Variants in TNIK observed in about 807,000 individuals in gnomAD.
The protein encoded by TNIK is TRAF2 and NCK-interacting protein kinase.
TNIK carries 49 observed loss-of-function variants against 191.3 expected under a neutral mutation model. The observed-to-expected ratio is 0.26, with a 90% CI of 0.20 to 0.32. TNIK has a LOEUF of 0.32. TNIK is among the 10% of genes least tolerant of loss of function. The probability of loss-of-function intolerance (pLI) is 1.00; values close to 1 mark genes in which losing one functional copy is unlikely to be tolerated. For synonymous variants in TNIK, 594 were observed against 600.9 expected (o/e 0.99, Z 0.17); for missense variants, 1,155 against 1,702.3 (o/e 0.68, Z 5.66).
At chr3:171,127,053 A>G (rs968113589) in intron 16 of TNIK, among the ~76,000 whole-genome samples, 1 of 152,226 alleles carries the variant, frequency 6.6e-6, no homozygotes, top group African/African-American at 2.4e-5. Flanking sequence ...TATGTCTGTC[A>G]TGCTCATCGT....
chr3:171,140,565 AGG>A, intron 12 of TNIK, 56 bp from the exon 13 acceptor site: 1 of 1,536,342 alleles, frequency 6.5e-7, no homozygotes, highest in South Asian at 1.1e-5. Flanking sequence ...GGGGGGTGTC[AGG>A]GAGCCAGCAG....
chr3:171,457,610 A>G (rs1408380561), intron 1 of TNIK, among the ~76,000 whole-genome samples: 1 of 152,140 alleles, frequency 6.6e-6, no homozygotes, highest in Non-Finnish European at 1.5e-5. Flanking sequence ...CTGCCCTCTG[A>G]TTTGTGGAGA....
At chr3:171,459,867 A>G in intron 1 of TNIK, 140 bp downstream of exon 1, 1 of 1,083,256 alleles carries the variant, frequency 9.2e-7, no homozygotes, top group Non-Finnish European at 1.3e-6. Flanking sequence ...ACCCCGAATC[A>G]AAACGGGAAT....
At chr3:171,095,358 G>C (rs1722576067) in intron 22 of TNIK, among the ~76,000 whole-genome samples, 1 of 152,200 alleles carries the variant, frequency 6.6e-6, no homozygotes, top group Admixed American at 6.5e-5. Context: ...ACACACCACA[G>C]GTTGAGGTTG....
At chr3:171,156,622 T>A (rs929925268) in intron 12 of TNIK, among the ~76,000 whole-genome samples, 5 of 152,190 alleles carry the variant, frequency 3.3e-5, no homozygotes, top group Non-Finnish European at 7.3e-5. Flanking sequence ...CTGGGCAAAG[T>A]TCTGGGAAGG....
At chr3:171,402,652 T>C (rs935640034) in intron 1 of TNIK, among the ~76,000 whole-genome samples, 1 of 152,192 alleles carries the variant, frequency 6.6e-6, no homozygotes, top group Non-Finnish European at 1.5e-5. Flanking sequence ...ATACCCTTCC[T>C]CCAGCTTCAA....
At chr3:171,265,123 GA>G (rs1460078510) in intron 2 of TNIK, among the ~76,000 whole-genome samples, 1 of 152,202 alleles carries the variant, frequency 6.6e-6, no homozygotes, top group Non-Finnish European at 1.5e-5. Context: ...TTGAGAATGT[GA>G]AAGTGAACCC....
chr3:171,204,180 A>G (rs1739770548), intron 4 of TNIK, among the ~76,000 whole-genome samples: 1 of 152,220 alleles, frequency 6.6e-6, no homozygotes, highest in Non-Finnish European at 1.5e-5. Context: ...CCGAGAGATC[A>G]GAATCTTTAT....
Position 171,138,286 on chromosome 3 carries a change from G to A in TNIK, c.1513C>T (p.His505Tyr), listed in dbSNP as rs947583700. Residue 505 changes from histidine (H) to tyrosine (Y), a missense_variant, in exon 15 of 33, where the codon CAT (histidine) becomes TAT (tyrosine). Physicochemically the swap from His to Tyr is moderately conservative, Grantham distance 83. Transcript: ENST00000436636. ...QERDYLVSLQ[H>Y]QRQEQRPVEK... ...ACAGGCCTCTGCTCCTGCCGCTGATGCTGAAGGGAAACTAAGTAGTCTCTT... is the reference window on the plus strand; with the variant it reads ...ACAGGCCTCTGCTCCTGCCGCTGATACTGAAGGGAAACTAAGTAGTCTCTT... The A allele has an allele frequency of 6.2e-7, 1 of 1,613,606 alleles. No homozygotes were observed. Among genetic ancestry groups the A allele is most frequent in the Non-Finnish European group, 8.5e-7 (1 of 1,179,774 alleles).
chr3:171,183,420 G>A (rs1736924289), intron 7 of TNIK, among the ~76,000 whole-genome samples: 1 of 152,148 alleles, frequency 6.6e-6, no homozygotes. Context: ...GTCTTTTGTT[G>A]GGTAACTTAT....
chr3:171,311,063 G>A (rs867210174), intron 2 of TNIK, among the ~76,000 whole-genome samples: 5 of 151,978 alleles, frequency 3.3e-5, no homozygotes, highest in Non-Finnish European at 5.9e-5. Flanking sequence ...CTGGTGGGAT[G>A]GTGAGAATGT....
At chr3:171,066,467 ATTTT>A (rs145832204) in intron 31 of TNIK, 105 bp downstream of exon 31, 527 of 1,308,842 alleles carry the variant, frequency 4.0e-4, no homozygotes, top group South Asian at 5.1e-4. Context: ...TTATTCACAG[ATTTT>A]TTTTTTTTTT....
chr3:171,180,589 T>C (rs530059432), intron 7 of TNIK, among the ~76,000 whole-genome samples: 9 of 152,172 alleles, frequency 5.9e-5, no homozygotes, highest in African/African-American at 9.7e-5. Context: ...AAATGAAAGA[T>C]ACATGAGAGA....
At chr3:171,426,633 T>C (rs1396389343) in intron 1 of TNIK, among the ~76,000 whole-genome samples, 3 of 152,154 alleles carry the variant, frequency 2.0e-5, no homozygotes, top group Non-Finnish European at 4.4e-5. Context: ...AGGTCTACCT[T>C]GCTTCAACCT....
At chr3:171,156,998 G>A (rs1272694164) in intron 12 of TNIK, among the ~76,000 whole-genome samples, 1 of 152,190 alleles carries the variant, frequency 6.6e-6, no homozygotes, top group East Asian at 1.9e-4. Context: ...CCTACGACAT[G>A]CTAGAGATAC....
intron 20 of TNIK, among the ~76,000 whole-genome samples, 178 bp from the exon 21 acceptor site, chr3:171,107,384 C>T (rs964799012): frequency 8.6e-5 from 13 of 151,932 alleles, no homozygotes; most frequent in Non-Finnish European, 1.8e-4. Context: ...CGGTATACGT[C>T]GTTACTTTAA....
At chr3:171,273,162 G>T (rs749888421) in intron 2 of TNIK, among the ~76,000 whole-genome samples, 1 of 152,124 alleles carries the variant, frequency 6.6e-6, no homozygotes, top group Non-Finnish European at 1.5e-5. Flanking sequence ...AAATTCCAGG[G>T]GTGCTAGAGT....
intron 20 of TNIK, among the ~76,000 whole-genome samples, chr3:171,107,449 CTCAAGAGATTT>C (rs57209095): frequency 0.015 from 2,313 of 152,222 alleles, 59 homozygotes; most frequent in African/African-American, 0.046. Flanking sequence ...AGAAAAGATT[CTCAAGAGATTT>C]AAATAGAAAA....
intron 1 of TNIK, among the ~76,000 whole-genome samples, chr3:171,422,524 T>C (rs1342822277): frequency 6.6e-6 from 1 of 152,202 alleles, no homozygotes; most frequent in Non-Finnish European, 1.5e-5. Flanking sequence ...AACTCTACTT[T>C]CTCAAAATGC....
Sources: gnomAD v4.1 joint callset for allele counts (sites outside exome capture counted in the v4.1 genomes callset) on GRCh38, gnomAD v4.1.1 for gene constraint, MANE v1.5 for transcripts, NCBI Gene and HGNC (gene_info 2026-07-23, HGNC 2026-07-21) for gene names.